CPAP: variants seen among roughly 807,000 people sequenced by gnomAD.
The protein encoded by CPAP is centrosomal P4.1-associated protein.
the CPAP span, among the ~76,000 whole-genome samples, chr13:24,891,662 C>T: frequency 1.3e-5 from 2 of 152,276 alleles, no homozygotes; most frequent in South Asian, 4.2e-4. Context: ...CCTGGTGTTG[C>T]CCATGCTCCC....
chr13:24,885,515 A>T, the CPAP span: 1 of 1,218,974 alleles, frequency 8.2e-7, no homozygotes, highest in Non-Finnish European at 1.2e-6. Flanking sequence ...ACTCTTTTTT[A>T]CACGTGGTTT....
the CPAP span, among the ~76,000 whole-genome samples, chr13:24,900,761 T>A: frequency 6.6e-6 from 1 of 152,172 alleles, no homozygotes; most frequent in Non-Finnish European, 1.5e-5. Context: ...GTGAATTTAA[T>A]AACCAGAGAA....
chr13:24,902,374 C>T, the CPAP span, among the ~76,000 whole-genome samples: 2 of 152,056 alleles, frequency 1.3e-5, no homozygotes, highest in East Asian at 1.9e-4. Flanking sequence ...GGGTGGAGAA[C>T]GGATTGGAAT....
chr13:24,914,980 C>T, the CPAP span, among the ~76,000 whole-genome samples: 2 of 151,926 alleles, frequency 1.3e-5, no homozygotes, highest in Admixed American at 6.6e-5. Flanking sequence ...GAGGCTGAGG[C>T]GGGAGAATCG....
the CPAP span, among the ~76,000 whole-genome samples, chr13:24,899,171 TC>T: frequency 1.3e-5 from 2 of 152,232 alleles, no homozygotes; most frequent in Non-Finnish European, 2.9e-5. Flanking sequence ...TGTTAATTCA[TC>T]CATGACATTA....
At chr13:24,891,578 C>T in the CPAP span, among the ~76,000 whole-genome samples, 2 of 152,066 alleles carry the variant, frequency 1.3e-5, no homozygotes, top group South Asian at 2.1e-4. Flanking sequence ...ATCACACACA[C>T]AGCTCAACAA....
chr13:24,932,194 T>C, the CPAP span, among the ~76,000 whole-genome samples: 1 of 152,202 alleles, frequency 6.6e-6, no homozygotes, highest in African/African-American at 2.4e-5. Context: ...GACACGGGAC[T>C]CGGGAACCGC....
At chr13:24,918,760 T>C in the CPAP span, among the ~76,000 whole-genome samples, 3 of 152,278 alleles carry the variant, frequency 2.0e-5, no homozygotes, top group South Asian at 2.1e-4. Flanking sequence ...ACTTAATGGA[T>C]AGTAAAGGTC....
the CPAP span, chr13:24,909,995 T>C: frequency 1.2e-6 from 2 of 1,614,154 alleles, no homozygotes; most frequent in Admixed American, 1.7e-5. Flanking sequence ...GGTAGACATA[T>C]GATGGGAAGC....
the CPAP span, among the ~76,000 whole-genome samples, chr13:24,918,948 CAA>C: frequency 1.4e-5 from 2 of 147,134 alleles, no homozygotes; most frequent in Non-Finnish European, 3.0e-5. Flanking sequence ...AAATAGCCAA[CAA>C]AAAAAAAGTT....
At chr13:24,892,891 GAAA>G in the CPAP span, 1 of 1,376,304 alleles carries the variant, frequency 7.3e-7, no homozygotes, top group Non-Finnish European at 1.0e-6. Flanking sequence ...AAAACAAAAA[GAAA>G]AAACCATTAC....
At chr13:24,884,110 A>AT in the CPAP span, 2 of 1,605,588 alleles carry the variant, frequency 1.2e-6, no homozygotes, top group Non-Finnish European at 1.7e-6. Context: ...TACAGTAAAT[A>AT]TTTTTTGAAG....
At chr13:24,908,113 T>G in the CPAP span, 32 of 1,611,028 alleles carry the variant, frequency 2.0e-5, no homozygotes, top group East Asian at 4.9e-4. Context: ...TCTCCCAACA[T>G]AAGATACTTT....
the CPAP span, chr13:24,885,976 G>A: frequency 2.4e-6 from 1 of 421,836 alleles, no homozygotes; most frequent in Non-Finnish European, 4.4e-6. Flanking sequence ...GCAGATAAAA[G>A]AGGCATCTAA....
At chr13:24,909,805 G>A in the CPAP span, 99 of 1,612,170 alleles carry the variant, frequency 6.1e-5, no homozygotes, top group African/African-American at 7.5e-4. Flanking sequence ...GGATGGTTAC[G>A]GTTTTCTTCT....
chr13:24,885,505 ACTCT>A, the CPAP span: 1 of 1,182,268 alleles, frequency 8.5e-7, no homozygotes, highest in Non-Finnish European at 1.3e-6. Context: ...TTAAGTAAAA[ACTCT>A]TTTTTACACG....
At chr13:24,900,917 C>G in the CPAP span, among the ~76,000 whole-genome samples, 1 of 152,080 alleles carries the variant, frequency 6.6e-6, no homozygotes, top group Non-Finnish European at 1.5e-5. Context: ...TGTGCTGAGA[C>G]AGGGAAGAAG....
chr13:24,891,101 A>T, the CPAP span, among the ~76,000 whole-genome samples: 2 of 151,904 alleles, frequency 1.3e-5, no homozygotes, highest in Non-Finnish European at 2.9e-5. Flanking sequence ...GTCCTTCTCA[A>T]GGCCCACAGT....
At chr13:24,923,358 A>C in the CPAP span, among the ~76,000 whole-genome samples, 1 of 152,050 alleles carries the variant, frequency 6.6e-6, no homozygotes, top group Non-Finnish European at 1.5e-5. Flanking sequence ...GAAAAAGGGC[A>C]GTCCGCTACA....
Sources: allele counts gnomAD v4.1 joint callset (sites outside exome capture counted in the v4.1 genomes callset), GRCh38; gene constraint gnomAD v4.1.1; transcripts MANE v1.5; gene names NCBI Gene and HGNC (gene_info 2026-07-23, HGNC 2026-07-21).